FREM1: variants seen among roughly 807,000 people sequenced by gnomAD.
The protein encoded by FREM1 is FRAS1-related extracellular matrix protein 1.
FREM1 carries 220 observed loss-of-function variants against 210.1 expected under a neutral mutation model. That is an observed-to-expected ratio of 1.05 (90% CI 0.94 to 1.17). The LOEUF (loss-of-function observed/expected upper bound fraction) is 1.17, where lower values mean the gene tolerates loss of function less well. Ranked by LOEUF, FREM1 falls within the 50% of genes most tolerant of loss-of-function variation. The pLI is 0.00. For missense variants in FREM1, 3,454 were observed against 2,675.5 expected (o/e 1.29, Z -6.42); for synonymous variants, 1,189 against 980.2 (o/e 1.21, Z -3.98).
chr9:14,901,220 T>C (rs926118068), intron 1 of FREM1, among the ~76,000 whole-genome samples: 7 of 152,234 alleles, frequency 4.6e-5, no homozygotes, highest in African/African-American at 1.7e-4. Flanking sequence ...AAAATCATTA[T>C]TGAGCACATT....
chr9:14,782,412 C>T, intron 24 of FREM1: 1 of 918,528 alleles, frequency 1.1e-6, no homozygotes. Flanking sequence ...GTCCTGTGTT[C>T]TCCAGCAAGG....
rs932665482 is a variant in FREM1 at position 14,817,305 on chromosome 9, C to T, written c.2547-434G>A. Among the ~76,000 whole-genome samples, 12 of 152,172 alleles carry T rather than the reference C, an allele frequency of 7.9e-5. No individual in the cohort carries two copies. The East Asian group carries it at 1.5e-3, about 20-fold the overall frequency. The stretch of plus-strand genomic sequence containing the variant: ...TTCTAAGGCTAGGCTAATCCTTCCG[C>T]CTGTGCTCTGGATCTATTCAGCTTT... On this transcript the variant is annotated intron_variant, in intron 14 of 36. Transcript: ENST00000380880.
rs997082065 is a variant in FREM1, at chr9:14,816,729, G to A, written c.2640+49C>T. ...CAGTCTGTAGTATTGTGTTATGGCA[G>A]CACAAAACAGACTAAGACAATAACC... is the stretch of plus-strand genomic sequence containing the variant. On this transcript the variant is annotated intron_variant, in intron 15 of 36. Coordinates refer to ENST00000380880, the MANE Select transcript of FREM1 (RefSeq NM_001379081.2). 8.5e-6 allele frequency: 8 copies of A among 945,286 alleles called. No homozygotes were observed. In the Admixed American group the frequency reaches 1.8e-4, roughly 21 times the overall value. 58.6% of individuals were successfully genotyped at this position (945,286 alleles called of 1,614,324 possible).
rs769521538 is a variant in FREM1, at chr9:14,842,665, G to C, written c.1394-5C>G. 19 of 1,608,644 alleles carry C rather than the reference G, an allele frequency of 1.2e-5. No homozygotes were observed. The South Asian group carries it at 2.1e-4, about 18-fold the overall frequency. On this transcript the variant is annotated splice_region_variant and splice_polypyrimidine_tract_variant and intron_variant, in intron 8 of 36. Coordinates refer to ENST00000380880, the MANE Select transcript of FREM1 (RefSeq NM_001379081.2). ...TGAAGAGAAACCCTTTCCCCCCTGAGGGAGAGAGCAGAGATGGAGCAGATT... is the reference window on the plus strand; with the variant it reads ...TGAAGAGAAACCCTTTCCCCCCTGACGGAGAGAGCAGAGATGGAGCAGATT...
chr9:14,884,915 CTTTTT>C (rs745465527), intron 1 of FREM1, among the ~76,000 whole-genome samples: 79 of 70,368 alleles, frequency 1.1e-3, no homozygotes, highest in Non-Finnish European at 1.8e-3. Flanking sequence ...TTCATCATAG[CTTTTT>C]TTTTTTTTTT....
intron 1 of FREM1, among the ~76,000 whole-genome samples, chr9:14,872,253 T>A (rs1286048265): frequency 6.6e-6 from 1 of 152,200 alleles, no homozygotes; most frequent in East Asian, 1.9e-4. Context: ...ATAAATTACC[T>A]TGGGCAGTAT....
In FREM1 at chr9:14,812,860, A is replaced by G. The variant is rs1739523718; in HGVS notation, c.2845T>C (p.Phe949Leu). 6.2e-7 allele frequency: 1 copy of G among 1,613,812 alleles called. No individual in the cohort carries two copies. The highest frequency in any genetic ancestry group is 8.5e-7 in the Non-Finnish European group (1 of 1,179,792). ...TCTGAGATAACATCTCTCTGAGAGA[A>G]CTGATCCACTGTGACTCCAGCTCTC... ...VRRAGVTVDQ[F>L]SQRDVISEAV... Residue 949 changes from phenylalanine to leucine, a missense_variant, in exon 16 of 37, where the codon TTC (phenylalanine) becomes CTC (leucine). Coordinates refer to ENST00000380880, the MANE Select transcript of FREM1 (RefSeq NM_001379081.2).
chr9:14,894,628 C>T (rs780326659), intron 1 of FREM1, among the ~76,000 whole-genome samples: 5 of 152,144 alleles, frequency 3.3e-5, no homozygotes, highest in African/African-American at 4.8e-5. Flanking sequence ...TTGCTTAAAA[C>T]GGTGCTAATC....
intron 22 of FREM1, 101 bp downstream of exon 22, chr9:14,792,642 T>G: frequency 2.3e-6 from 2 of 879,852 alleles, no homozygotes; most frequent in South Asian, 3.0e-5. Context: ...TAGGCAAATA[T>G]ATGTCTATCA....
chr9:14,849,253 G>A (rs946339219), intron 6 of FREM1, among the ~76,000 whole-genome samples: 1 of 152,106 alleles, frequency 6.6e-6, no homozygotes, highest in Non-Finnish European at 1.5e-5. Flanking sequence ...ACATCCTACC[G>A]TACACAGGAC....
At chr9:14,846,467 T>G (rs1281860022) in intron 7 of FREM1, among the ~76,000 whole-genome samples, 1 of 152,100 alleles carries the variant, frequency 6.6e-6, no homozygotes, top group Non-Finnish European at 1.5e-5. Flanking sequence ...CCATGGCACA[T>G]GTATACCTAT....
Position 14,903,498 on chromosome 9 carries a change from T to C in FREM1, c.-268+6416A>G, listed in dbSNP as rs538136864. On this transcript the variant is annotated intron_variant, in intron 1 of 36. Coordinates refer to ENST00000380880, the MANE Select transcript of FREM1 (RefSeq NM_001379081.2). ...GGAATGTCTTTGCTTCCATCCTTAT[T>C]GAGATCCTTCCCATTTATTAACCCC... is the stretch of plus-strand genomic sequence containing the variant. Among the ~76,000 whole-genome samples, 5 of 152,320 alleles carry C rather than the reference T, an allele frequency of 3.3e-5. No individual in the cohort carries two copies. In the East Asian group the frequency reaches 9.7e-4, roughly 29 times the overall value.
intron 11 of FREM1, 111 bp from the exon 12 acceptor site, chr9:14,824,226 C>T (rs936664276): frequency 4.5e-6 from 3 of 666,418 alleles, no homozygotes; most frequent in Admixed American, 2.4e-5. Context: ...AAATTGGGTG[C>T]TCTATCTTTA....
At chr9:14,878,619 C>A (rs963395386) in intron 1 of FREM1, among the ~76,000 whole-genome samples, 4 of 152,136 alleles carry the variant, frequency 2.6e-5, no homozygotes, top group African/African-American at 9.7e-5. Context: ...CCATTACTTT[C>A]AATGGCAAAA....
chr9:14,826,665 T>C (rs1329330412), intron 10 of FREM1, among the ~76,000 whole-genome samples: 1 of 152,202 alleles, frequency 6.6e-6, no homozygotes, highest in Non-Finnish European at 1.5e-5. Context: ...CAATACAAGA[T>C]TAGTAAGAGG....
At position 14,757,937 on chromosome 9, in the gene FREM1, A is replaced by G. The variant is rs148116255; in HGVS notation, c.5335-1491T>C. The stretch of plus-strand genomic sequence containing the variant: ...GGCAGCCCATTATACACCTGTATCC[A>G]CCATATGCTGGAAGTTGCATTTCCC... On this transcript the variant is annotated intron_variant, in intron 28 of 36. Coordinates refer to ENST00000380880, the MANE Select transcript of FREM1 (RefSeq NM_001379081.2). Among the ~76,000 whole-genome samples, 1,206 of 152,290 alleles carry G rather than the reference A, an allele frequency of 7.9e-3. 4 individuals are homozygous for G. The highest frequency in any genetic ancestry group is 0.013 in the Non-Finnish European group (896 of 68,016).
At position 14,770,647 on chromosome 9, in the gene FREM1, G is replaced by C; in HGVS notation, c.5017C>G (p.Leu1673Val). The change falls in exon 26 of 37, where the codon CTA (leucine) becomes GTA (valine). Residue 1673 changes from leucine to valine, a missense_variant. Transcript: ENST00000380880. ...AGATGTCCATGTTTTGGGCCTTGTA[G>C]AATTTTAAAGATGATCTGATCGTCC... ...TEDDQIIFKI[L>V]QGPKHGHLEN... 6.2e-7 allele frequency: 1 copy of C among 1,613,514 alleles called. No individual in the cohort carries two copies. Among genetic ancestry groups the C allele is most frequent in the Non-Finnish European group, 8.5e-7 (1 of 1,179,586 alleles).
In FREM1 at chr9:14,829,596, C is replaced by T. The variant is rs899733244; in HGVS notation, c.1882-4604G>A. 2.0e-5 allele frequency among the ~76,000 whole-genome samples: 3 copies of T among 152,148 alleles called. No homozygotes were observed. The South Asian group carries it at 6.2e-4, about 32-fold the overall frequency. On this transcript the variant is annotated intron_variant, in intron 10 of 36. Transcript: ENST00000380880. ...GTTCAAGCTCTTGCTCTCTTCTCAT[C>T]CACATGATGTTTTCCTCTGTATTAT... is the stretch of plus-strand genomic sequence containing the variant.
chr9:14,754,069 A>C (rs1038297146), intron 29 of FREM1, among the ~76,000 whole-genome samples: 5 of 152,202 alleles, frequency 3.3e-5, no homozygotes, highest in African/African-American at 1.2e-4. Flanking sequence ...GACACGTTCT[A>C]GTTCCTATCA....
Sources: gnomAD v4.1 joint callset for allele counts (sites outside exome capture counted in the v4.1 genomes callset) on GRCh38, gnomAD v4.1.1 for gene constraint, MANE v1.5 for transcripts, NCBI Gene and HGNC (gene_info 2026-07-23, HGNC 2026-07-21) for gene names.